BRCA1: variants seen among roughly 807,000 people sequenced by gnomAD.
BRCA1 encodes BRCA1 DNA repair associated, also known as breast cancer type 1 susceptibility protein.
In BRCA1, 140 loss-of-function variants were observed where a neutral mutation model predicts 173.7. That is an observed-to-expected ratio of 0.81 (90% CI 0.70 to 0.93). The LOEUF (loss-of-function observed/expected upper bound fraction) is 0.93. Ranked by LOEUF, BRCA1 falls within the 40% of genes least tolerant of loss-of-function variation. The pLI is 0.00. For missense variants in BRCA1, 1,983 were observed against 2,172.5 expected (o/e 0.91, Z 1.73); for synonymous variants, 662 against 756.0 (o/e 0.88, Z 2.04).
rs80357318 is a variant in BRCA1 at position 43,091,594 on chromosome 17, G to C, written c.3937C>G (p.Gln1313Glu). The C allele has an allele frequency of 6.2e-7, 1 of 1,614,168 alleles. No homozygotes were observed. The highest frequency in any genetic ancestry group is 8.5e-7 in the Non-Finnish European group (1 of 1,180,030). The change falls in exon 10 of 23, where the codon CAG (glutamine) becomes GAG (glutamate). Residue 1313 changes from glutamine to glutamate, a missense_variant. Physicochemically the swap from Gln to Glu is conservative, Grantham distance 29. Transcript: ENST00000357654. ...GAAGAACCAATCAAGAAAGGATCCTGGGTGTTTGTATTTGCAGTCAAGTCT... is the reference window on the plus strand; with the variant it reads ...GAAGAACCAATCAAGAAAGGATCCTCGGTGTTTGTATTTGCAGTCAAGTCT... ...LEDLTANTNTQDPFLIGSSKQ... is the reference protein window; with the variant it reads ...LEDLTANTNTEDPFLIGSSKQ...
rs1485586275 is a variant in BRCA1 at position 43,093,060 on chromosome 17, T to A, written c.2471A>T (p.Asn824Ile). 6.2e-7 allele frequency: 1 copy of A among 1,613,868 alleles called. No individual in the cohort carries two copies. The highest frequency in any genetic ancestry group is 1.7e-5 in the Admixed American group (1 of 60,014). Residue 824 changes from asparagine (N) to isoleucine (I), a missense_variant, in exon 10 of 23, where the codon AAT becomes ATT. By Grantham distance (149) the Asn-to-Ile change is moderately radical. Transcript: ENST00000357654. ...LIHGCSKDNR[N>I]DTEGFKYPLG... is the part of the protein sequence containing the mutation. ...TGGATACTTAAAGCCTTCTGTGTCA[T>A]TTCTATTATCTTTGGAACAACCATG...
In BRCA1 at chr17:43,099,181, T is replaced by C. The variant is rs552681627; in HGVS notation, c.547+594A>G. On this transcript the variant is annotated intron_variant, in intron 7 of 22. Transcript: ENST00000357654. ...TACAATTTATCTTGGAACTAAATACTGTAGCAATCCATCATGTTTTTTCTT... is the reference window on the plus strand; with the variant it reads ...TACAATTTATCTTGGAACTAAATACCGTAGCAATCCATCATGTTTTTTCTT... Among the ~76,000 whole-genome samples the C allele has an allele frequency of 8.5e-5, 13 of 152,190 alleles. No individual in the cohort carries two copies. In the East Asian group the frequency reaches 2.3e-3, roughly 27 times the overall value.
chr17:43,064,721 C>T (rs749542853), intron 16 of BRCA1, among the ~76,000 whole-genome samples: 6 of 151,840 alleles, frequency 4.0e-5, no homozygotes, highest in Non-Finnish European at 7.4e-5. Flanking sequence ...CTACAAAAGC[C>T]GATTTAGTAA....
At chr17:43,100,681 A>G (rs867412034) in intron 6 of BRCA1, among the ~76,000 whole-genome samples, 1,088 of 11,422 alleles carry the variant, frequency 0.095, 67 homozygotes, top group Non-Finnish European at 0.12. Flanking sequence ...TATATATAAT[A>G]TATATATATA....
intron 2 of BRCA1, among the ~76,000 whole-genome samples, chr17:43,117,035 A>C (rs1326479449): frequency 6.6e-6 from 1 of 152,218 alleles, no homozygotes; most frequent in Non-Finnish European, 1.5e-5. Flanking sequence ...AGAACACTTT[A>C]CAGATGGTAC....
intron 1 of BRCA1, among the ~76,000 whole-genome samples, chr17:43,149,739 C>G (rs1451114029): frequency 6.6e-6 from 1 of 152,180 alleles, no homozygotes; most frequent in African/African-American, 2.4e-5. Context: ...CCAAAACTTA[C>G]AAACCTCAAA....
At chr17:43,123,349 GTTTTTTTTTTT>G (rs149379936) in intron 2 of BRCA1, among the ~76,000 whole-genome samples, 103 of 85,174 alleles carry the variant, frequency 1.2e-3, no homozygotes, top group African/African-American at 5.7e-3. Flanking sequence ...GATCATCCAT[GTTTTTTTTTTT>G]TTTTTTTTTT....
rs149310301 is a variant in BRCA1 at position 43,146,777 on chromosome 17, C to T, written c.-19-22662G>A. Among the ~76,000 whole-genome samples, 101 of 152,314 alleles carry T rather than the reference C, an allele frequency of 6.6e-4. No individual in the cohort carries two copies. In the Middle Eastern group the frequency reaches 0.014, roughly 21 times the overall value. On this transcript the variant is annotated intron_variant, in intron 1 of 7. Transcript: ENST00000634433. Reference sequence around the variant, plus strand: ...GTTCTCCTCCTAGGGCAGGGCCTCACTCTCTTCCCCTCTCAGCAGCCGACT... The same window carrying T: ...GTTCTCCTCCTAGGGCAGGGCCTCATTCTCTTCCCCTCTCAGCAGCCGACT...
At chr17:43,108,361 T>C (rs768065380) in intron 3 of BRCA1, among the ~76,000 whole-genome samples, 3 of 147,628 alleles carry the variant, frequency 2.0e-5, no homozygotes, top group Non-Finnish European at 4.5e-5. Context: ...GCATTGGGAA[T>C]TGTGAGAAAA....
At chr17:43,087,096 T>C (rs1385869953) in intron 11 of BRCA1, among the ~76,000 whole-genome samples, 1 of 152,228 alleles carries the variant, frequency 6.6e-6, no homozygotes, top group Non-Finnish European at 1.5e-5. Flanking sequence ...CCACAGGGGC[T>C]GGAAGAGCAT....
intron 1 of BRCA1, chr17:43,164,180 C>A (rs1325728290): frequency 6.6e-6 from 1 of 152,168 alleles, no homozygotes; most frequent in Non-Finnish European, 1.5e-5. Flanking sequence ...TTCTATGATC[C>A]TCTAGTAAAA....
intron 1 of BRCA1, among the ~76,000 whole-genome samples, chr17:43,159,187 G>A (rs2056217566): frequency 6.6e-6 from 1 of 152,254 alleles, no homozygotes; most frequent in African/African-American, 2.4e-5. Flanking sequence ...GCGAGGTTGA[G>A]GCTGCAGTGA....
rs786201648 is a variant in BRCA1 at position 43,045,708 on chromosome 17, C to T, written c.5562G>A (p.Leu1854=). 1 of 1,613,784 alleles carries T rather than the reference C, an allele frequency of 6.2e-7. No homozygotes were observed. The highest frequency in any genetic ancestry group is 1.7e-5 in the Admixed American group (1 of 59,988). ...LYQCQELDTY[L]IPQIPHSHY ...AGTGGCTGTGGGGGATCTGGGGTAT[C>T]AGGTAGGTGTCCAGCTCCTGGCACT... Residue 1854 remains leucine, a synonymous_variant, in exon 23 of 23, where the codon CTG becomes CTA. Coordinates refer to ENST00000357654, the MANE Select transcript of BRCA1 (RefSeq NM_007294.4).
At chr17:43,101,192 C>G (rs1236962416) in intron 6 of BRCA1, among the ~76,000 whole-genome samples, 1 of 150,964 alleles carries the variant, frequency 6.6e-6, no homozygotes, top group Admixed American at 6.6e-5. Context: ...GTGAGAACTA[C>G]TTTTATTTTA....
In BRCA1 at chr17:43,104,292, G is replaced by A. The variant is rs1319642104; in HGVS notation, c.302-31C>T. The A allele has an allele frequency of 3.7e-6, 6 of 1,600,944 alleles. No homozygotes were observed. The African/African-American group carries it at 6.7e-5, about 18-fold the overall frequency. ...AAATACAAGGGAAAACATTATGTTT[G>A]CAGTTAGAGAAAAATGTATGAATTA... On this transcript the variant is annotated intron_variant, in intron 5 of 22. Coordinates refer to ENST00000357654, the MANE Select transcript of BRCA1 (RefSeq NM_007294.4).
At chr17:43,113,415 G>A (rs2055127349) in intron 3 of BRCA1, among the ~76,000 whole-genome samples, 1 of 151,750 alleles carries the variant, frequency 6.6e-6, no homozygotes, top group South Asian at 2.1e-4. Flanking sequence ...TTGTCAGGCT[G>A]GAGTGCATTG....
rs80357082 is a variant in BRCA1, at chr17:43,093,496, T to A, written c.2035A>T (p.Lys679Ter). The change falls in exon 10 of 23, where the codon AAG becomes TAG. Residue 679 changes from lysine (K) to a stop codon, truncating the protein, a stop_gained. Transcript: ENST00000357654. LOFTEE classifies it high-confidence loss of function. ...MEGKEPATGA[K>*]KSNKPNEQTS... is the part of the protein sequence containing the mutation. ...TGTTCATTTGGCTTGTTACTCTTCT[T>A]GGCTCCAGTTGCAGGTTCTTTACCT... The A allele has an allele frequency of 2.5e-6, 4 of 1,614,144 alleles. No individual in the cohort carries two copies. The highest frequency in any genetic ancestry group is 3.4e-6 in the Non-Finnish European group (4 of 1,180,018).
chr17:43,051,044 G>C lies in BRCA1; in HGVS notation c.5332+19C>G, dbSNP rs774813458. ...ACAAAGGCTGGTGCTGGAACTCTGG[G>C]GTTCTCCCAGGCTCTTACCTGTGGG... On this transcript the variant is annotated intron_variant, in intron 20 of 22. Transcript: ENST00000357654. The C allele has an allele frequency of 4.3e-6, 7 of 1,611,438 alleles. No homozygotes were observed. The highest frequency in any genetic ancestry group is 5.9e-6 in the Non-Finnish European group (7 of 1,177,554).
At chr17:43,142,817 C>T (rs1002116082) in intron 1 of BRCA1, among the ~76,000 whole-genome samples, 5 of 152,070 alleles carry the variant, frequency 3.3e-5, no homozygotes, top group African/African-American at 1.2e-4. Flanking sequence ...GATCTTGGCT[C>T]ACCACAACCT....
Sources: gnomAD v4.1 joint callset for allele counts (sites outside exome capture counted in the v4.1 genomes callset) on GRCh38, gnomAD v4.1.1 for gene constraint, MANE v1.5 for transcripts, NCBI Gene and HGNC (gene_info 2026-07-23, HGNC 2026-07-21) for gene names.